Variants in TBC1D23 observed in about 807,000 individuals in gnomAD.
TBC1D23 encodes the protein HCV non-structural protein 4A-transactivated protein 1.
TBC1D23 carries 55 observed loss-of-function variants against 91.4 expected under a neutral mutation model. The observed-to-expected ratio is 0.60, with a 90% CI of 0.48 to 0.75. The LOEUF is 0.75. Ranked by LOEUF, TBC1D23 falls within the 30% of genes least tolerant of loss-of-function variation. The pLI, the probability that TBC1D23 is intolerant of heterozygous loss-of-function variation, is 0.00. For synonymous variants in TBC1D23, 289 were observed against 281.0 expected (o/e 1.03, Z -0.28); for missense variants, 725 against 836.1 (o/e 0.87, Z 1.64).
At position 100,271,911 on chromosome 3, in the gene TBC1D23, G is replaced by A. The variant is rs576072597; in HGVS notation, c.54-7738G>A. ...AGAGCAAGGAGTGAAGAAGTCAAGG[G>A]TGTTGTCAAGAATGTGCTTTAAGTT... On this transcript the variant is annotated intron_variant, in intron 1 of 18. Transcript: ENST00000394144. Among the ~76,000 whole-genome samples, 3 of 152,324 alleles carry A rather than the reference G, an allele frequency of 2.0e-5. No individual in the cohort carries two copies. The East Asian group carries it at 5.8e-4, about 29-fold the overall frequency.
chr3:100,279,897 C>CTT, intron 2 of TBC1D23, 137 bp downstream of exon 2: 1 of 559,226 alleles, frequency 1.8e-6, no homozygotes, highest in Non-Finnish European at 3.3e-6. Flanking sequence ...CAAACAGCAG[C>CTT]TTATTAAAAT....
intron 1 of TBC1D23, chr3:100,267,224 A>T (rs991949968): frequency 2.2e-6 from 1 of 452,014 alleles, no homozygotes; most frequent in African/African-American, 2.0e-5. Flanking sequence ...TGAGTTAAAT[A>T]TTGAGAATTA....
intron 1 of TBC1D23, among the ~76,000 whole-genome samples, chr3:100,272,180 A>G (rs938568103): frequency 2.0e-5 from 3 of 152,234 alleles, no homozygotes; most frequent in Non-Finnish European, 4.4e-5. Flanking sequence ...GTTGTCAGCT[A>G]TAAGTTGAAC....
intron 1 of TBC1D23, chr3:100,261,307 G>T (rs1311230718): frequency 8.7e-6 from 5 of 574,908 alleles, no homozygotes; most frequent in Admixed American, 6.3e-5. Context: ...CTGGGCCTCA[G>T]AACGGTCCTC....
At chr3:100,267,721 A>C (rs1184792439) in intron 1 of TBC1D23, among the ~76,000 whole-genome samples, 1 of 152,202 alleles carries the variant, frequency 6.6e-6, no homozygotes, top group Non-Finnish European at 1.5e-5. Context: ...CAAGAGTTTC[A>C]GATTTTGGAG....
At chr3:100,319,642 G>A (rs1432056808) in intron 17 of TBC1D23, among the ~76,000 whole-genome samples, 1 of 152,008 alleles carries the variant, frequency 6.6e-6, no homozygotes. Flanking sequence ...TGGTCAGGCT[G>A]GTCTCGAACT....
At chr3:100,274,574 C>G (rs1429479884) in intron 1 of TBC1D23, among the ~76,000 whole-genome samples, 1 of 151,800 alleles carries the variant, frequency 6.6e-6, no homozygotes, top group African/African-American at 2.4e-5. Context: ...CCTCATTCTC[C>G]CCTCCCTCTG....
chr3:100,285,929 T>G (rs1266124929), intron 4 of TBC1D23, among the ~76,000 whole-genome samples: 1 of 152,212 alleles, frequency 6.6e-6, no homozygotes, highest in Non-Finnish European at 1.5e-5. Flanking sequence ...GTTTTGTTTT[T>G]TTTTTTCCAA....
rs4928169 is a variant in TBC1D23 at position 100,316,005 on chromosome 3, A to T, written c.1599-94A>T. 0.56 allele frequency: 569,769 copies of T among 1,023,110 alleles called. 160,459 individuals carry two copies. The highest frequency in any genetic ancestry group is 0.6 in the Admixed American group (33,525 of 55,650). 63.4% of individuals were successfully genotyped at this position (1,023,110 alleles called of 1,614,324 possible). ...TTTTGGGGGGGTCAGGTAAGGAATAATTACATTTTGTGTGAATATTCAAAT... is the reference window on the plus strand; with the variant it reads ...TTTTGGGGGGGTCAGGTAAGGAATATTTACATTTTGTGTGAATATTCAAAT... On this transcript the variant is annotated intron_variant, in intron 15 of 18. Coordinates refer to ENST00000394144, the MANE Select transcript of TBC1D23 (RefSeq NM_001199198.3).
chr3:100,267,697 A>C (rs1480756403), intron 1 of TBC1D23, among the ~76,000 whole-genome samples: 5 of 152,218 alleles, frequency 3.3e-5, no homozygotes, highest in Non-Finnish European at 4.4e-5. Context: ...TCCTGTGAGT[A>C]TCATGTTGGT....
chr3:100,287,524 G>A (rs1265482825), intron 4 of TBC1D23, among the ~76,000 whole-genome samples: 3 of 152,194 alleles, frequency 2.0e-5, no homozygotes, highest in Non-Finnish European at 4.4e-5. Context: ...CTCACTGTGT[G>A]TTCTGCCTTA....
chr3:100,306,810 C>G (rs1705525610), intron 13 of TBC1D23, among the ~76,000 whole-genome samples: 1 of 152,154 alleles, frequency 6.6e-6, no homozygotes, highest in Admixed American at 6.5e-5. Flanking sequence ...CCCTGTCCAG[C>G]TGTAGTTTGG....
At chr3:100,294,876 A>G (rs2067824380) in intron 5 of TBC1D23, among the ~76,000 whole-genome samples, 1 of 152,194 alleles carries the variant, frequency 6.6e-6, no homozygotes, top group African/African-American at 2.4e-5. Flanking sequence ...AGAGGTTGAC[A>G]TGTCCTAAGT....
chr3:100,292,633 C>G (rs2067801576), intron 5 of TBC1D23, among the ~76,000 whole-genome samples: 1 of 152,148 alleles, frequency 6.6e-6, no homozygotes, highest in Non-Finnish European at 1.5e-5. Context: ...AGGTCTTGCT[C>G]TGGTCTCTCA....
intron 8 of TBC1D23, 65 bp from the exon 9 acceptor site, chr3:100,297,855 TAAG>T (rs1385872806): frequency 5.2e-6 from 7 of 1,357,706 alleles, no homozygotes; most frequent in Non-Finnish European, 6.1e-6. Context: ...CATGGTTTAA[TAAG>T]AATATTTTTA....
rs535063049 is a variant in TBC1D23 at position 100,312,846 on chromosome 3, A to T, written c.1598+969A>T. The stretch of plus-strand genomic sequence containing the variant: ...TTGAAGTAGCATTTTTAAGAATAAT[A>T]CTTCACTCTCTAAGACTATACTTTC... On this transcript the variant is annotated intron_variant, in intron 15 of 18. Coordinates refer to ENST00000394144, the MANE Select transcript of TBC1D23 (RefSeq NM_001199198.3). Among the ~76,000 whole-genome samples the T allele has an allele frequency of 5.9e-5, 9 of 152,098 alleles. No homozygotes were observed. In the East Asian group the frequency reaches 1.7e-3, roughly 29 times the overall value.
At chr3:100,323,025 T>A (rs1329595114) in intron 18 of TBC1D23, among the ~76,000 whole-genome samples, 1 of 152,228 alleles carries the variant, frequency 6.6e-6, no homozygotes, top group African/African-American at 2.4e-5. Flanking sequence ...GCAATAGTTA[T>A]CATAAGTCTT....
chr3:100,279,668 G>A lies in TBC1D23; in HGVS notation c.73G>A (p.Ala25Thr), dbSNP rs413801. ...GDGWEKDLEE[A>T]LEAGGCDLET... ...TTTTAGGGAAAAAGATCTTGAAGAA[G>A]CTCTGGAAGCAGGAGGTTGTGATCT... Residue 25 changes from alanine (A) to threonine (T), a missense_variant, in exon 2 of 19, where the codon GCT (alanine) becomes ACT (threonine). Coordinates refer to ENST00000394144, the MANE Select transcript of TBC1D23 (RefSeq NM_001199198.3). 6.2e-7 allele frequency: 1 copy of A among 1,603,166 alleles called. No individual in the cohort carries two copies. The highest frequency in any genetic ancestry group is 1.3e-5 in the African/African-American group (1 of 74,762).
At position 100,305,428 on chromosome 3, in the gene TBC1D23, G is replaced by A. The variant is rs113747563; in HGVS notation, c.1306+540G>A. Reference sequence around the variant, plus strand: ...CAAGTATTGAGAATTTTACTTTGCAGTAAATAAGATTTTAAAAGAGTAATA... The same window carrying A: ...CAAGTATTGAGAATTTTACTTTGCAATAAATAAGATTTTAAAAGAGTAATA... On this transcript the variant is annotated intron_variant, in intron 12 of 18. Transcript: ENST00000394144. Among the ~76,000 whole-genome samples the A allele has an allele frequency of 7.3e-3, 1,108 of 152,198 alleles. 11 individuals carry two copies. Among genetic ancestry groups the A allele is most frequent in the Middle Eastern group, 0.041 (12 of 294 alleles).
Sources: gnomAD v4.1 joint callset for allele counts (sites outside exome capture counted in the v4.1 genomes callset) on GRCh38, gnomAD v4.1.1 for gene constraint, MANE v1.5 for transcripts, NCBI Gene and HGNC (gene_info 2026-07-23, HGNC 2026-07-21) for gene names.